CHRNA1: variants seen among roughly 807,000 people sequenced by gnomAD.
CHRNA1 encodes cholinergic receptor nicotinic alpha 1 subunit, also known as acetylcholine receptor subunit alpha.
A neutral mutation model predicts 47.1 loss-of-function variants in CHRNA1; 35 were observed. The observed-to-expected ratio is 0.74, with a 90% CI of 0.57 to 0.99. CHRNA1 has a LOEUF of 0.99. CHRNA1 is among the 50% of genes least tolerant of loss of function. CHRNA1 has a pLI of 0.00. For missense variants in CHRNA1, 506 were observed against 591.1 expected (o/e 0.86, Z 1.49); for synonymous variants, 229 against 223.6 (o/e 1.02, Z -0.22).
chr2:174,764,379 G>C lies in CHRNA1; in HGVS notation c.16C>G (p.Leu6Val), dbSNP rs757488589. The change falls in exon 1 of 9, where the codon CTC (leucine) becomes GTC (valine). Residue 6 changes from leucine to valine, a missense_variant. Transcript: ENST00000348749. ...GAGCAAAGGCTAAAGAGCAGGAGGA[G>C]AGGCCAGGGCTCCATGGGCTACCGG... MEPWP[L>V]LLLFSLCSAG... The C allele has an allele frequency of 6.2e-7, 1 of 1,613,356 alleles. No homozygotes were observed. The highest frequency in any genetic ancestry group is 1.3e-5 in the African/African-American group (1 of 74,932).
chr2:174,752,350 C>CA (rs59904135), intron 6 of CHRNA1, among the ~76,000 whole-genome samples: 17,427 of 152,152 alleles, frequency 0.11, 1,472 homozygotes, highest in African/African-American at 0.23. Context: ...GTAGGCAGAT[C>CA]TTTGAGCCCA....
At chr2:174,753,810 G>C in intron 5 of CHRNA1, 70 bp from the exon 6 acceptor site, 1 of 1,417,558 alleles carries the variant, frequency 7.1e-7, no homozygotes, top group East Asian at 2.3e-5. Flanking sequence ...TTTGTAATCA[G>C]CAGTGACAAG....
intron 2 of CHRNA1, 26 bp from the exon 3 acceptor site, chr2:174,759,401 T>A: frequency 6.2e-7 from 1 of 1,614,122 alleles, no homozygotes; most frequent in East Asian, 2.2e-5. Context: ...AGGATCATTT[T>A]TATGGGGGAG....
intron 2 of CHRNA1, 23 bp from the exon 3 acceptor site, chr2:174,759,398 T>G (rs1684047465): frequency 6.2e-7 from 1 of 1,613,864 alleles, no homozygotes; most frequent in African/African-American, 1.3e-5. Context: ...ATAAGGATCA[T>G]TTTTATGGGG....
chr2:174,762,319 A>G (rs1457847123), intron 1 of CHRNA1, among the ~76,000 whole-genome samples: 2 of 152,226 alleles, frequency 1.3e-5, no homozygotes, highest in Non-Finnish European at 2.9e-5. Context: ...TTAGTTCTTC[A>G]TGGATTCAAC....
At chr2:174,748,425 CTT>C (rs749452695) in intron 8 of CHRNA1, among the ~76,000 whole-genome samples, 153 bp downstream of exon 8, 11 of 152,190 alleles carry the variant, frequency 7.2e-5, no homozygotes, top group Non-Finnish European at 1.5e-4. Context: ...AAAGTGATAA[CTT>C]ACTAAGGTGG....
intron 4 of CHRNA1, among the ~76,000 whole-genome samples, chr2:174,754,947 G>T (rs552395872): frequency 1.4e-5 from 2 of 145,576 alleles, no homozygotes; most frequent in South Asian, 2.2e-4. Flanking sequence ...GTGCAATGGT[G>T]CAATCTTGGC....
chr2:174,759,696 A>G (rs1684061983), intron 1 of CHRNA1, 63 bp from the exon 2 acceptor site: 1 of 1,600,372 alleles, frequency 6.2e-7, no homozygotes. Flanking sequence ...ACACATGAAC[A>G]TGAGGAACTG....
intron 1 of CHRNA1, among the ~76,000 whole-genome samples, chr2:174,761,184 G>A (rs916272286): frequency 6.6e-6 from 1 of 152,158 alleles, no homozygotes; most frequent in Admixed American, 6.5e-5. Context: ...CAAATCCCAA[G>A]TGTCTTATGA....
chr2:174,759,466 G>T (rs564369357), intron 2 of CHRNA1, 22 bp downstream of exon 2: 11 of 1,614,000 alleles, frequency 6.8e-6, no homozygotes, highest in East Asian at 2.2e-5. Context: ...GTGTGGGCAG[G>T]CCCCCAGTGC....
chr2:174,759,713 TGAGGCA>T, intron 1 of CHRNA1, 80 bp from the exon 2 acceptor site: 6 of 1,578,016 alleles, frequency 3.8e-6, no homozygotes, highest in Non-Finnish European at 5.2e-6. Context: ...ACTGAGGAAC[TGAGGCA>T]TAAGCCTCAG....
In CHRNA1 at chr2:174,749,938, C is replaced by T. The variant is rs1467846762; in HGVS notation, c.1002+8G>A. 6.2e-7 allele frequency: 1 copy of T among 1,612,928 alleles called. No individual in the cohort carries two copies. The highest frequency in any genetic ancestry group is 1.7e-5 in the Admixed American group (1 of 60,010). ...CCGTGTGAAGTCTGCAGGGGCCTCCCCACTCACCTTCCGCACCCAGTTGGG... is the reference window on the plus strand; with the variant it reads ...CCGTGTGAAGTCTGCAGGGGCCTCCTCACTCACCTTCCGCACCCAGTTGGG... On this transcript the variant is annotated splice_region_variant and intron_variant, in intron 7 of 8. Transcript: ENST00000348749.
At position 174,756,818 on chromosome 2, in the gene CHRNA1, C is replaced by T. The variant is rs934661360; in HGVS notation, c.344+748G>A. 8.5e-5 allele frequency among the ~76,000 whole-genome samples: 13 copies of T among 152,134 alleles called. No homozygotes were observed. In the South Asian group the frequency reaches 1.5e-3, roughly 17 times the overall value. On this transcript the variant is annotated intron_variant, in intron 4 of 8. Coordinates refer to ENST00000348749, the MANE Select transcript of CHRNA1 (RefSeq NM_000079.4). Reference sequence around the variant, plus strand: ...CTAGGACACACAGCTTGTGGACCCCCGACACATGTTGTATAATGTCAGACC... The same window carrying T: ...CTAGGACACACAGCTTGTGGACCCCTGACACATGTTGTATAATGTCAGACC...
intron 6 of CHRNA1, chr2:174,753,196 T>G: frequency 1.7e-6 from 1 of 597,156 alleles, no homozygotes; most frequent in Non-Finnish European, 3.0e-6. Flanking sequence ...AGTACACTTC[T>G]GGGCACACAG....
At chr2:174,754,823 TAA>T (rs1448351668) in intron 4 of CHRNA1, among the ~76,000 whole-genome samples, 1 of 148,776 alleles carries the variant, frequency 6.7e-6, no homozygotes, top group African/African-American at 2.5e-5. Context: ...GAATTTTACA[TAA>T]AACACCTCCA....
intron 5 of CHRNA1, 104 bp from the exon 6 acceptor site, chr2:174,753,844 T>C (rs1284324810): frequency 1.9e-6 from 2 of 1,075,142 alleles, no homozygotes; most frequent in African/African-American, 3.1e-5. Context: ...GCTCTGTGGG[T>C]CACACACCCA....
chr2:174,753,810 G>T, intron 5 of CHRNA1, 70 bp from the exon 6 acceptor site: 1 of 1,417,558 alleles, frequency 7.1e-7, no homozygotes, highest in South Asian at 1.2e-5. Flanking sequence ...TTTGTAATCA[G>T]CAGTGACAAG....
intron 6 of CHRNA1, among the ~76,000 whole-genome samples, chr2:174,752,506 G>C (rs542658139): frequency 1.3e-5 from 2 of 152,186 alleles, no homozygotes; most frequent in South Asian, 4.1e-4. Context: ...GGAGGTTGAG[G>C]CTGCAGTGAG....
intron 1 of CHRNA1, among the ~76,000 whole-genome samples, 188 bp from the exon 2 acceptor site, chr2:174,759,821 G>C (rs985332352): frequency 2.0e-5 from 3 of 152,016 alleles, no homozygotes; most frequent in Non-Finnish European, 4.4e-5. Context: ...ACAGTTGCTG[G>C]TGTGGTCCCT....
Sources: gnomAD v4.1 joint callset for allele counts (sites outside exome capture counted in the v4.1 genomes callset) on GRCh38, gnomAD v4.1.1 for gene constraint, MANE v1.5 for transcripts, NCBI Gene and HGNC (gene_info 2026-07-23, HGNC 2026-07-21) for gene names.